The following DNAJC6 variants were observed in gnomAD, a reference collection of about 807,000 sequenced individuals.
The protein encoded by DNAJC6 is auxilin.
DNAJC6 carries 34 observed loss-of-function variants against 110.0 expected under a neutral mutation model. The observed-to-expected ratio is 0.31, with a 90% CI of 0.24 to 0.41. The LOEUF (loss-of-function observed/expected upper bound fraction) is 0.41, where lower values mean the gene tolerates loss of function less well. Among genes scored for constraint, DNAJC6 ranks in the 10% least tolerant of loss-of-function variants. The probability of loss-of-function intolerance (pLI) is 1.00; values close to 1 mark genes in which losing one functional copy is unlikely to be tolerated. For missense variants in DNAJC6, 1,031 were observed against 1,207.8 expected (o/e 0.85, Z 2.17); for synonymous variants, 406 against 437.2 (o/e 0.93, Z 0.89).
At chr1:65,325,303 A>G (rs926599283) in intron 1 of DNAJC6, among the ~76,000 whole-genome samples, 1 of 152,228 alleles carries the variant, frequency 6.6e-6, no homozygotes, top group Non-Finnish European at 1.5e-5. Context: ...GAAAAGAAAC[A>G]AAAGCTAAGA....
chr1:65,334,404 C>A (rs1393805772), intron 1 of DNAJC6, among the ~76,000 whole-genome samples: 1 of 152,148 alleles, frequency 6.6e-6, no homozygotes, highest in South Asian at 2.1e-4. Context: ...ATGCGGTGAT[C>A]CAGAAGAAAG....
chr1:65,406,542 G>A (rs1032925347), intron 16 of DNAJC6, among the ~76,000 whole-genome samples: 1 of 152,190 alleles, frequency 6.6e-6, no homozygotes, highest in Non-Finnish European at 1.5e-5. Context: ...CTTTGGAAGA[G>A]GAAGTGGAAG....
At chr1:65,341,127 A>G (rs1645385455) in intron 1 of DNAJC6, among the ~76,000 whole-genome samples, 1 of 152,112 alleles carries the variant, frequency 6.6e-6, no homozygotes, top group Admixed American at 6.5e-5. Flanking sequence ...GAAATGAAAC[A>G]GTGTGTGTGA....
chr1:65,404,707 T>C (rs1338119551), intron 15 of DNAJC6, among the ~76,000 whole-genome samples: 1 of 152,024 alleles, frequency 6.6e-6, no homozygotes, highest in Non-Finnish European at 1.5e-5. Flanking sequence ...AAAGAAGAGA[T>C]AGTAAGGGAT....
At chr1:65,307,012 C>CTATA (rs1458442591), upstream of DNAJC6, among the ~76,000 whole-genome samples, 57 of 80,004 alleles carry the variant, frequency 7.1e-4, no homozygotes, top group East Asian at 5.2e-3. Context: ...CTCTCTCTCT[C>CTATA]TCTCTCTATA....
chr1:65,311,700 C>A (rs1645103611), intron 1 of DNAJC6, among the ~76,000 whole-genome samples: 1 of 152,004 alleles, frequency 6.6e-6, no homozygotes, highest in Non-Finnish European at 1.5e-5. Flanking sequence ...AGCATGTAAA[C>A]AATTGAAATG....
At position 65,314,688 on chromosome 1, in the gene DNAJC6, A is replaced by T. The variant is rs544079381; in HGVS notation, c.193+4750A>T. Among the ~76,000 whole-genome samples the T allele has an allele frequency of 3.3e-5, 5 of 152,258 alleles. No homozygotes were observed. In the East Asian group the frequency reaches 9.7e-4, roughly 29 times the overall value. ...CTTTTAGAAAAGACGGAGTTTCGCC[A>T]TGTTGGCCAGGTTGGTCTTGGACTC... On this transcript the variant is annotated intron_variant, in intron 1 of 18. Coordinates refer to ENST00000371069, the MANE Select transcript of DNAJC6 (RefSeq NM_001256864.2).
chr1:65,400,465 T>C (rs531654932), intron 14 of DNAJC6, among the ~76,000 whole-genome samples: 1 of 152,184 alleles, frequency 6.6e-6, no homozygotes, highest in South Asian at 2.1e-4. Flanking sequence ...CTTTAACCAA[T>C]GCCTCCTCAT....
chr1:65,299,437 G>T (rs1157008620), intron 1 of DNAJC6, among the ~76,000 whole-genome samples: 1 of 152,212 alleles, frequency 6.6e-6, no homozygotes, highest in Admixed American at 6.5e-5. Context: ...GGGGTCCACA[G>T]CTCTGGGCTG....
chr1:65,374,430 T>C lies in DNAJC6; in HGVS notation c.544-4972T>C, dbSNP rs117467508. Among the ~76,000 whole-genome samples, 269 of 151,878 alleles carry C rather than the reference T, an allele frequency of 1.8e-3. 2 individuals carry two copies. In the East Asian group the frequency reaches 0.043, roughly 24 times the overall value. ...TCCATGAGCATGGAATACCTTTCCT[T>C]TTTTTGTGTCCTCTTCTATTTCTTT... is the stretch of plus-strand genomic sequence containing the variant. On this transcript the variant is annotated intron_variant, in intron 4 of 18. Transcript: ENST00000371069.
In DNAJC6 at chr1:65,365,806, A is replaced by G. The variant is rs541958750; in HGVS notation, c.345-79A>G. 1.6e-3 allele frequency: 2,352 copies of G among 1,468,680 alleles called. 4 individuals carry two copies. The highest frequency in any genetic ancestry group is 2.0e-3 in the Non-Finnish European group (2,173 of 1,063,246). The allele number at this position is 1,468,680 out of a possible 1,614,324, so 91.0% of individuals were successfully genotyped here. ...CCTGGACAGCGGTGTCCCAGTTCATATGCGCAAGTGATTGAGAGAGAGAAA... is the reference window on the plus strand; with the variant it reads ...CCTGGACAGCGGTGTCCCAGTTCATGTGCGCAAGTGATTGAGAGAGAGAAA... On this transcript the variant is annotated intron_variant, in intron 2 of 18. Coordinates refer to ENST00000371069, the MANE Select transcript of DNAJC6 (RefSeq NM_001256864.2).
chr1:65,301,381 A>G (rs917991375), intron 1 of DNAJC6, among the ~76,000 whole-genome samples: 9 of 152,264 alleles, frequency 5.9e-5, no homozygotes, highest in Admixed American at 2.0e-4. Context: ...GTGTCCTCCA[A>G]TTCTGAAACT....
chr1:65,400,210 T>A lies in DNAJC6; in HGVS notation c.2107+1329T>A, dbSNP rs573533303. On this transcript the variant is annotated intron_variant, in intron 14 of 18. Transcript: ENST00000371069. ...AAAGATTTTTCTTTAAATTGACAGATAAAATTGTATGTATTTGTCGTGTAC... is the reference window on the plus strand; with the variant it reads ...AAAGATTTTTCTTTAAATTGACAGAAAAAATTGTATGTATTTGTCGTGTAC... Among the ~76,000 whole-genome samples the A allele has an allele frequency of 4.6e-5, 7 of 152,350 alleles. No individual in the cohort carries two copies. The South Asian group carries it at 1.2e-3, about 27-fold the overall frequency.
At chr1:65,354,651 G>A (rs936362586) in intron 1 of DNAJC6, among the ~76,000 whole-genome samples, 2 of 152,158 alleles carry the variant, frequency 1.3e-5, no homozygotes, top group Non-Finnish European at 2.9e-5. Context: ...AACCTGAAAA[G>A]TGAGTGTGGA....
At chr1:65,284,846 G>A (rs368090119) in intron 1 of DNAJC6, among the ~76,000 whole-genome samples, 113 of 151,920 alleles carry the variant, frequency 7.4e-4, no homozygotes, top group African/African-American at 2.5e-3. Flanking sequence ...CCACCACCAC[G>A]CCTGGCTCAT....
intron 1 of DNAJC6, among the ~76,000 whole-genome samples, chr1:65,272,626 G>T (rs1343712059): frequency 6.6e-6 from 1 of 152,180 alleles, no homozygotes; most frequent in Non-Finnish European, 1.5e-5. Flanking sequence ...ATGTCTGGAA[G>T]AATTCACTGG....
At chr1:65,339,302 C>T (rs762474990) in intron 1 of DNAJC6, among the ~76,000 whole-genome samples, 13 of 152,158 alleles carry the variant, frequency 8.5e-5, no homozygotes, top group Non-Finnish European at 1.6e-4. Flanking sequence ...AGTACGAACC[C>T]GAATCTTGTC....
chr1:65,412,875 T>C (rs775381274), intron 18 of DNAJC6, 49 bp from the exon 19 acceptor site: 3 of 1,472,598 alleles, frequency 2.0e-6, no homozygotes, highest in Non-Finnish European at 2.8e-6. Context: ...TTAATATTAA[T>C]GAAATTTTGG....
At chr1:65,396,575 A>G (rs1645978958) in intron 13 of DNAJC6, among the ~76,000 whole-genome samples, 2 of 151,942 alleles carry the variant, frequency 1.3e-5, no homozygotes, top group Non-Finnish European at 2.9e-5. Context: ...TGTTTGCTCA[A>G]ATGTCACCTT....
Sources: gnomAD v4.1 joint callset for allele counts (sites outside exome capture counted in the v4.1 genomes callset) on GRCh38, gnomAD v4.1.1 for gene constraint, MANE v1.5 for transcripts, NCBI Gene and HGNC (gene_info 2026-07-23, HGNC 2026-07-21) for gene names.